EIF2B3: variants seen among roughly 807,000 people sequenced by gnomAD.
The protein encoded by EIF2B3 is translation initiation factor eIF2B subunit gamma.
In EIF2B3, 20 loss-of-function variants were observed where a neutral mutation model predicts 54.1. The observed-to-expected ratio is 0.37, with a 90% CI of 0.26 to 0.54. The LOEUF is 0.54. Ranked by LOEUF, EIF2B3 falls within the 20% of genes least tolerant of loss-of-function variation. The pLI, the probability that EIF2B3 is intolerant of heterozygous loss-of-function variation, is 0.86. For missense variants in EIF2B3, 448 were observed against 547.8 expected, an observed-to-expected ratio of 0.82 and a Z score of 1.82; for synonymous variants, 153 against 188.1, an observed-to-expected ratio of 0.81 and a Z score of 1.52.
At chr1:44,914,460 C>T (rs1643580778) in intron 5 of EIF2B3, among the ~76,000 whole-genome samples, 1 of 151,908 alleles carries the variant, frequency 6.6e-6, no homozygotes, top group African/African-American at 2.4e-5. Context: ...TGTGCCCAGC[C>T]AGAAAATTTT....
At chr1:44,939,235 CT>C (rs1226184978) in intron 4 of EIF2B3, among the ~76,000 whole-genome samples, 1 of 151,672 alleles carries the variant, frequency 6.6e-6, no homozygotes, top group Non-Finnish European at 1.5e-5. Flanking sequence ...AATTCAAACT[CT>C]TTCGTCTGAT....
intron 3 of EIF2B3, among the ~76,000 whole-genome samples, chr1:44,967,881 T>C (rs1490995583): frequency 7.0e-6 from 1 of 142,312 alleles, no homozygotes; most frequent in Non-Finnish European, 1.5e-5. Context: ...CCACTAAAAG[T>C]ACAAAAATTA....
At chr1:44,945,539 G>GC (rs1204987517) in intron 3 of EIF2B3, among the ~76,000 whole-genome samples, 3 of 144,578 alleles carry the variant, frequency 2.1e-5, no homozygotes, top group Non-Finnish European at 4.5e-5. Context: ...GGGTAACAGC[G>GC]CAAGACTCCG....
At chr1:44,899,447 A>G (rs1023343149) in intron 5 of EIF2B3, among the ~76,000 whole-genome samples, 1 of 152,228 alleles carries the variant, frequency 6.6e-6, no homozygotes, top group African/African-American at 2.4e-5. Context: ...CAAAGGTGTA[A>G]TATCAAGCAT....
intron 5 of EIF2B3, among the ~76,000 whole-genome samples, chr1:44,913,081 T>C (rs1569701577): frequency 7.2e-6 from 1 of 138,806 alleles, no homozygotes; most frequent in South Asian, 2.2e-4. Flanking sequence ...AAATATTACA[T>C]TGGTGCAAAA....
intron 3 of EIF2B3, among the ~76,000 whole-genome samples, chr1:44,967,717 C>T (rs376933934): frequency 2.3e-4 from 29 of 124,450 alleles, no homozygotes; most frequent in Admixed American, 9.6e-4. Context: ...TCCCGTCTGG[C>T]GACAGAGTGA....
intron 1 of EIF2B3, among the ~76,000 whole-genome samples, chr1:44,985,667 G>A (rs1425484610): frequency 1.3e-5 from 2 of 152,172 alleles, no homozygotes; most frequent in Non-Finnish European, 2.9e-5. Context: ...AGGAGGCCCT[G>A]GGTGAAGAAA....
chr1:44,927,523 T>C (rs1056462769), intron 4 of EIF2B3, among the ~76,000 whole-genome samples: 4 of 152,146 alleles, frequency 2.6e-5, no homozygotes, highest in African/African-American at 9.7e-5. Context: ...CACTGGGGAT[T>C]ACATTTCAAC....
intron 3 of EIF2B3, chr1:44,959,184 A>G (rs1008660606): frequency 1.4e-6 from 1 of 708,128 alleles, no homozygotes; most frequent in Admixed American, 2.2e-5. Context: ...GCTTCCCATT[A>G]GGAATAACAA....
chr1:44,906,695 C>A (rs761810790), intron 5 of EIF2B3, among the ~76,000 whole-genome samples: 1 of 152,188 alleles, frequency 6.6e-6, no homozygotes, highest in African/African-American at 2.4e-5. Flanking sequence ...CCACCGTGCC[C>A]GGGATAAAAG....
intron 4 of EIF2B3, among the ~76,000 whole-genome samples, chr1:44,932,928 T>C (rs1643910226): frequency 6.6e-6 from 1 of 152,160 alleles, no homozygotes; most frequent in Non-Finnish European, 1.5e-5. Flanking sequence ...GGATGTGTCC[T>C]ACAGAAAATG....
chr1:44,921,556 A>AT, intron 5 of EIF2B3, among the ~76,000 whole-genome samples: 1 of 152,274 alleles, frequency 6.6e-6, no homozygotes, highest in Middle Eastern at 3.4e-3. Context: ...TTTTTATTTG[A>AT]TTTTTGTATA....
intron 3 of EIF2B3, among the ~76,000 whole-genome samples, chr1:44,965,153 TAGAGAA>T (rs1644324412): frequency 6.6e-6 from 1 of 152,104 alleles, no homozygotes; most frequent in Non-Finnish European, 1.5e-5. Context: ...TCCCTCCACT[TAGAGAA>T]AGAGATCAAC....
intron 10 of EIF2B3, among the ~76,000 whole-genome samples, chr1:44,866,528 A>T (rs1264521938): frequency 6.6e-6 from 1 of 151,992 alleles, no homozygotes; most frequent in Admixed American, 6.6e-5. Context: ...GGGAGCACAG[A>T]GGTGGGGAAA....
intron 5 of EIF2B3, among the ~76,000 whole-genome samples, chr1:44,904,807 C>T (rs1643383701): frequency 1.3e-5 from 2 of 152,202 alleles, no homozygotes; most frequent in Non-Finnish European, 2.9e-5. Context: ...GCCACCATGT[C>T]CAGCCAGATT....
At chr1:44,926,483 C>T (rs895169882) in intron 5 of EIF2B3, 145 bp downstream of exon 5, 2 of 668,936 alleles carry the variant, frequency 3.0e-6, no homozygotes, top group Admixed American at 5.0e-5. Flanking sequence ...AGCCTTCATC[C>T]TGTCTCATGG....
intron 5 of EIF2B3, among the ~76,000 whole-genome samples, chr1:44,911,723 A>G (rs1307657864): frequency 1.3e-5 from 2 of 152,000 alleles, no homozygotes; most frequent in Non-Finnish European, 2.9e-5. Context: ...TTTTTTTATT[A>G]TACTTTAAGT....
Position 44,877,192 on chromosome 1 carries a change from T to TAAAAAAAAAAAAAAAAAAA in EIF2B3, c.976-1516_976-1498dup, listed in dbSNP as rs768263508. Among the ~76,000 whole-genome samples the TAAAAAAAAAAAAAAAAAAA allele has an allele frequency of 5.8e-5, 3 of 52,056 alleles. 1 individual carries two copies. Among genetic ancestry groups the TAAAAAAAAAAAAAAAAAAA allele is most frequent in the African/African-American group, 2.7e-4 (3 of 11,206 alleles). 34.2% of individuals were successfully genotyped at this position (52,056 alleles called of 152,430 possible). A position where few individuals can be genotyped will look rare whatever the true frequency, so the allele number is the denominator to read the frequency against. On this transcript the variant is annotated intron_variant, in intron 8 of 11. Coordinates refer to ENST00000360403, the MANE Select transcript of EIF2B3 (RefSeq NM_020365.5). ...GCGAGAAACACCCAAGAATGATCAA[T>TAAAAAAAAAAAAAAAAAAA]AAAAAAAAAAAAAAAAAAAAAAAAA...
chr1:44,932,554 T>C (rs1200177792), intron 4 of EIF2B3: 2 of 152,182 alleles, frequency 1.3e-5, no homozygotes, highest in African/African-American at 2.4e-5. Flanking sequence ...AACAATGTAT[T>C]GTATTCTTGA....
Sources: allele counts gnomAD v4.1 joint callset (sites outside exome capture counted in the v4.1 genomes callset), GRCh38; gene constraint gnomAD v4.1.1; transcripts MANE v1.5; gene names NCBI Gene and HGNC (gene_info 2026-07-23, HGNC 2026-07-21).